DEPDC1B: variants seen among roughly 807,000 people sequenced by gnomAD.
The protein encoded by DEPDC1B is DEP domain containing 1B.
In DEPDC1B, 51 loss-of-function variants were observed where a neutral mutation model predicts 66.5. That is an observed-to-expected ratio of 0.77 (90% CI 0.61 to 0.97). DEPDC1B has a LOEUF of 0.97. Ranked by LOEUF, DEPDC1B falls within the 50% of genes least tolerant of loss-of-function variation. The pLI is 0.00. For synonymous variants in DEPDC1B, 226 were observed against 223.6 expected, an observed-to-expected ratio of 1.01 and a Z score of -0.10; for missense variants, 552 against 637.1, an observed-to-expected ratio of 0.87 and a Z score of 1.44.
rs1204624540 is a variant in DEPDC1B at position 60,645,568 on chromosome 5, C to CTT, written c.501_502insAA (p.Ala168LysfsTer11). 1 of 1,613,038 alleles carries CTT rather than the reference C, an allele frequency of 6.2e-7. No individual in the cohort carries two copies. Among genetic ancestry groups the CTT allele is most frequent in the African/African-American group, 1.3e-5 (1 of 74,828 alleles). Reference sequence around the variant, plus strand: ...TGTCTGCGGTGGACAAGACGGCAAGCTGGCACCTCTCCAATTGCAATACTG... The same window carrying CTT: ...TGTCTGCGGTGGACAAGACGGCAAGCTTTGGCACCTCTCCAATTGCAATACTG... On this transcript the variant is annotated frameshift_variant, in exon 4 of 11. Coordinates refer to ENST00000265036, the MANE Select transcript of DEPDC1B (RefSeq NM_018369.3). LOFTEE classifies it high-confidence loss of function.
intron 2 of DEPDC1B, among the ~76,000 whole-genome samples, chr5:60,682,916 A>T (rs1754329669): frequency 6.6e-6 from 1 of 152,224 alleles, no homozygotes; most frequent in Non-Finnish European, 1.5e-5. Context: ...ATGGAAGAGA[A>T]GGAAATTCTT....
chr5:60,627,765 A>G (rs1299300448), intron 7 of DEPDC1B, among the ~76,000 whole-genome samples: 22 of 152,194 alleles, frequency 1.4e-4, no homozygotes, highest in Admixed American at 1.4e-3. Context: ...TGATTATTCC[A>G]TCTTAACTAA....
intron 7 of DEPDC1B, among the ~76,000 whole-genome samples, chr5:60,633,266 T>C (rs933566508): frequency 2.0e-5 from 3 of 152,174 alleles, no homozygotes; most frequent in African/African-American, 4.8e-5. Flanking sequence ...TCAGTTAGTG[T>C]TCACACTTTA....
intron 1 of DEPDC1B, among the ~76,000 whole-genome samples, chr5:60,690,210 GAACT>G (rs1333603074): frequency 2.0e-5 from 3 of 151,904 alleles, no homozygotes; most frequent in Admixed American, 6.5e-5. Flanking sequence ...AGAAAAATTA[GAACT>G]AATTTGCCAT....
At chr5:60,611,767 C>T (rs567214973) in intron 7 of DEPDC1B, among the ~76,000 whole-genome samples, 7 of 152,268 alleles carry the variant, frequency 4.6e-5, no homozygotes, top group African/African-American at 1.7e-4. Flanking sequence ...AGAAGAAAAC[C>T]TGGAATCTAG....
At chr5:60,680,486 C>T (rs1312476557) in intron 2 of DEPDC1B, among the ~76,000 whole-genome samples, 1 of 152,100 alleles carries the variant, frequency 6.6e-6, no homozygotes, top group Non-Finnish European at 1.5e-5. Flanking sequence ...ATCTAGAAAT[C>T]ATTTTTGACA....
intron 1 of DEPDC1B, 69 bp from the exon 2 acceptor site, chr5:60,687,296 A>G: frequency 6.6e-7 from 1 of 1,517,128 alleles, no homozygotes; most frequent in Non-Finnish European, 8.9e-7. Context: ...ATCTCAAATA[A>G]TTAAAGCAAA....
At position 60,603,512 on chromosome 5, in the gene DEPDC1B, T is replaced by C. The variant is rs1752245118; in HGVS notation, c.1121A>G (p.Asp374Gly). The change falls in exon 9 of 11, where the codon GAT becomes GGT. Residue 374 changes from aspartate (D) to glycine (G), a missense_variant. Physicochemically the swap from Asp to Gly is moderately conservative, Grantham distance 94 (BLOSUM62 -1). Coordinates refer to ENST00000265036, the MANE Select transcript of DEPDC1B (RefSeq NM_018369.3). Reference protein sequence around the residue: ...ILCSKDEVDLDELLAARLVTF... With the variant: ...ILCSKDEVDLGELLAARLVTF... ...TACCAATCTAGCAGCTAATAACTCA[T>C]CCAAGTCCACTTCATCCTTGGAACA... 1.9e-6 allele frequency: 3 copies of C among 1,609,116 alleles called. No individual in the cohort carries two copies. Among genetic ancestry groups the C allele is most frequent in the Non-Finnish European group, 2.5e-6 (3 of 1,178,854 alleles).
At chr5:60,666,352 GA>G (rs1406766881) in intron 2 of DEPDC1B, among the ~76,000 whole-genome samples, 2 of 152,160 alleles carry the variant, frequency 1.3e-5, no homozygotes, top group African/African-American at 4.8e-5. Context: ...CCATTCCTTA[GA>G]ATCCGTGAAG....
intron 2 of DEPDC1B, among the ~76,000 whole-genome samples, chr5:60,656,505 T>C (rs914082187): frequency 7.2e-5 from 11 of 152,154 alleles, no homozygotes; most frequent in African/African-American, 2.4e-4. Flanking sequence ...GTGCTGCCAG[T>C]GGAGTACTGA....
intron 7 of DEPDC1B, among the ~76,000 whole-genome samples, chr5:60,611,498 A>G (rs1305702992): frequency 1.3e-5 from 2 of 152,260 alleles, no homozygotes; most frequent in African/African-American, 2.4e-5. Context: ...AAGCTGAGAG[A>G]AGTCACAAGC....
intron 1 of DEPDC1B, among the ~76,000 whole-genome samples, chr5:60,691,509 T>C (rs895418220): frequency 2.0e-5 from 3 of 152,186 alleles, no homozygotes; most frequent in African/African-American, 7.2e-5. Context: ...TGCTCCAAAT[T>C]AAGTTAGTCC....
chr5:60,673,136 C>G lies in DEPDC1B; in HGVS notation c.314+13826G>C, dbSNP rs551015342. 5.9e-5 allele frequency among the ~76,000 whole-genome samples: 9 copies of G among 152,254 alleles called. No homozygotes were observed. The South Asian group carries it at 1.7e-3, about 28-fold the overall frequency. On this transcript the variant is annotated intron_variant, in intron 2 of 10. Transcript: ENST00000265036. The stretch of plus-strand genomic sequence containing the variant: ...CTTGATCACCCTGACCAACCTGTCT[C>G]CCTTCCTTCCCTGACACACACCTGT...
intron 1 of DEPDC1B, among the ~76,000 whole-genome samples, chr5:60,695,358 C>T (rs1754630604): frequency 6.6e-6 from 1 of 152,070 alleles, no homozygotes; most frequent in South Asian, 2.1e-4. Flanking sequence ...AGGCACATAA[C>T]ACAGCAAGGG....
intron 2 of DEPDC1B, among the ~76,000 whole-genome samples, chr5:60,679,073 T>A (rs927975565): frequency 1.3e-5 from 2 of 152,236 alleles, no homozygotes; most frequent in Non-Finnish European, 2.9e-5. Flanking sequence ...AAGTATAAGG[T>A]TTATGTTGAG....
At chr5:60,600,152 G>A (rs1317485666) in intron 9 of DEPDC1B, among the ~76,000 whole-genome samples, 1 of 152,090 alleles carries the variant, frequency 6.6e-6, no homozygotes, top group Non-Finnish European at 1.5e-5. Flanking sequence ...GGATGGTAGT[G>A]GCATGCATTT....
At chr5:60,629,774 C>A (rs1217313693) in intron 7 of DEPDC1B, among the ~76,000 whole-genome samples, 1 of 152,096 alleles carries the variant, frequency 6.6e-6, no homozygotes, top group Admixed American at 6.6e-5. Flanking sequence ...AGATAACAAC[C>A]CTTTCAGATA....
intron 2 of DEPDC1B, among the ~76,000 whole-genome samples, chr5:60,655,799 A>T (rs1253326375): frequency 6.7e-6 from 1 of 148,882 alleles, no homozygotes; most frequent in Non-Finnish European, 1.5e-5. Flanking sequence ...TGTATCCCAG[A>T]GATTTTCATA....
intron 2 of DEPDC1B, among the ~76,000 whole-genome samples, chr5:60,656,813 T>C (rs1753589129): frequency 6.6e-6 from 1 of 152,250 alleles, no homozygotes; most frequent in African/African-American, 2.4e-5. Flanking sequence ...ACCTCCCACC[T>C]GGTTCCTCCC....
Sources: gnomAD v4.1 joint callset for allele counts (sites outside exome capture counted in the v4.1 genomes callset) on GRCh38, gnomAD v4.1.1 for gene constraint, MANE v1.5 for transcripts, NCBI Gene and HGNC (gene_info 2026-07-23, HGNC 2026-07-21) for gene names.